PTPRC: variants seen among roughly 807,000 people sequenced by gnomAD.
The protein encoded by PTPRC is receptor-type tyrosine-protein phosphatase C.
Under a neutral mutation model 155.9 loss-of-function variants are expected in PTPRC, and 44 were observed. The ratio of observed to expected loss-of-function variants is 0.28; its 90% CI spans 0.22 to 0.36. The LOEUF (loss-of-function observed/expected upper bound fraction) is 0.36. Among genes scored for constraint, PTPRC ranks in the 10% least tolerant of loss-of-function variants. PTPRC has a pLI of 1.00. For synonymous variants in PTPRC, 525 were observed against 533.1 expected (o/e 0.98, Z 0.21); for missense variants, 1,401 against 1,564.6 (o/e 0.90, Z 1.76).
chr1:198,659,513 C>A (rs1487464201), intron 2 of PTPRC, among the ~76,000 whole-genome samples: 1 of 151,690 alleles, frequency 6.6e-6, no homozygotes, highest in Non-Finnish European at 1.5e-5. Flanking sequence ...GTTTAATGAC[C>A]AAACCAACAT....
chr1:198,660,026 T>A (rs12410533), intron 2 of PTPRC, among the ~76,000 whole-genome samples: 10,508 of 112,992 alleles, frequency 0.093, 701 homozygotes, highest in African/African-American at 0.17. Context: ...TCCATATATA[T>A]GTCCATATAT....
At chr1:198,687,444 TAGAG>T (rs1002195504) in intron 2 of PTPRC, among the ~76,000 whole-genome samples, 19 of 152,334 alleles carry the variant, frequency 1.2e-4, no homozygotes, top group South Asian at 4.1e-4. Context: ...TAAAATATGA[TAGAG>T]AATTAATAAA....
chr1:198,752,436 A>G (rs1655427273), intron 30 of PTPRC, 65 bp downstream of exon 30: 1 of 1,587,894 alleles, frequency 6.3e-7, no homozygotes, highest in Non-Finnish European at 8.6e-7. Flanking sequence ...AATGAATATA[A>G]ATTACTCTAT....
intron 15 of PTPRC, among the ~76,000 whole-genome samples, chr1:198,725,853 A>C (rs1054897659): frequency 6.6e-6 from 1 of 152,150 alleles, no homozygotes; most frequent in Non-Finnish European, 1.5e-5. Context: ...TATTCCTTTG[A>C]TTTAGGCTGT....
chr1:198,714,881 A>G (rs1346850897), intron 12 of PTPRC, among the ~76,000 whole-genome samples: 1 of 152,176 alleles, frequency 6.6e-6, no homozygotes, highest in Non-Finnish European at 1.5e-5. Flanking sequence ...TAATTTTTTC[A>G]GTGTCTCTAA....
intron 2 of PTPRC, among the ~76,000 whole-genome samples, chr1:198,640,907 A>G (rs115193795): frequency 6.6e-6 from 1 of 152,118 alleles, no homozygotes; most frequent in Non-Finnish European, 1.5e-5. Context: ...CAGAGTGTGA[A>G]ATATTTCCTT....
rs541640947 is a variant in PTPRC, at chr1:198,748,834, C to G, written c.2939-582C>G. 5.3e-5 allele frequency among the ~76,000 whole-genome samples: 8 copies of G among 151,746 alleles called. No individual in the cohort carries two copies. The South Asian group carries it at 1.7e-3, about 32-fold the overall frequency. ...GATGACCAAATAAATCAGATCAGTGCATGGTTGACCTAGTTAATTTTCATA... is the reference window on the plus strand; with the variant it reads ...GATGACCAAATAAATCAGATCAGTGGATGGTTGACCTAGTTAATTTTCATA... On this transcript the variant is annotated intron_variant, in intron 27 of 32. Coordinates refer to ENST00000442510, the MANE Select transcript of PTPRC (RefSeq NM_002838.5).
At chr1:198,709,581 A>G in intron 10 of PTPRC, 106 bp from the exon 11 acceptor site, 1 of 997,140 alleles carries the variant, frequency 1.0e-6, no homozygotes, top group Non-Finnish European at 1.4e-6. Flanking sequence ...CAGATGTTTC[A>G]ATCTGATAAA....
Position 198,735,404 on chromosome 1 carries a change from C to A in PTPRC, c.2403+152C>A, listed in dbSNP as rs1194513733. The A allele has an allele frequency of 1.2e-5, 9 of 733,474 alleles. No homozygotes were observed. In the African/African-American group the frequency reaches 1.6e-4, roughly 13 times the overall value. 45.4% of individuals were successfully genotyped at this position (733,474 alleles called of 1,614,324 possible). On this transcript the variant is annotated intron_variant, in intron 23 of 32. Transcript: ENST00000442510. ...CTGTGGTTAGAACAATGACAAAAAT[C>A]AATAGGGTCAAATTTAAGTCACTGG...
chr1:198,711,056 C>T (rs536967679), intron 11 of PTPRC, among the ~76,000 whole-genome samples: 1 of 152,062 alleles, frequency 6.6e-6, no homozygotes, highest in Admixed American at 6.6e-5. Context: ...AATCTCCTGA[C>T]CTCATGATCC....
intron 2 of PTPRC, among the ~76,000 whole-genome samples, chr1:198,640,553 G>A (rs1662520065): frequency 1.3e-5 from 2 of 151,824 alleles, no homozygotes; most frequent in African/African-American, 4.8e-5. Flanking sequence ...TATATTTGCA[G>A]CATTTGTCTT....
In PTPRC at chr1:198,639,259, A is replaced by ACTTCCAGATATGACCATGTATTTGTGG; in HGVS notation, c.-6_21dup. 1 of 1,613,124 alleles carries ACTTCCAGATATGACCATGTATTTGTGG rather than the reference A, an allele frequency of 6.2e-7. No homozygotes were observed. Among genetic ancestry groups the ACTTCCAGATATGACCATGTATTTGTGG allele is most frequent in the Non-Finnish European group, 8.5e-7 (1 of 1,179,230 alleles). ...ATGCTGTTTCTTAGGGACACGGCTG[A>ACTTCCAGATATGACCATGTATTTGTGG]CTTCCAGATATGACCATGTATTTGT... On this transcript the variant is annotated 5_prime_UTR_variant, in exon 2 of 33. The change creates a new upstream start codon in the 5' untranslated region. Transcript: ENST00000442510.
intron 2 of PTPRC, among the ~76,000 whole-genome samples, chr1:198,648,160 A>G (rs1003556437): frequency 6.6e-6 from 1 of 151,810 alleles, no homozygotes; most frequent in African/African-American, 2.4e-5. Context: ...TTATTATTAG[A>G]TATTCAATAA....
rs200407298 is a variant in PTPRC, at chr1:198,718,101, C to G, written c.1458C>G (p.Ser486Arg). 110 of 1,611,150 alleles carry G rather than the reference C, an allele frequency of 6.8e-5. No individual in the cohort carries two copies. Among genetic ancestry groups the G allele is most frequent in the Non-Finnish European group, 8.2e-5 (97 of 1,177,426 alleles). The change falls in exon 14 of 33, where the codon AGC (serine) becomes AGG (arginine). Residue 486 changes from serine (S) to arginine (R), a missense_variant. Ser to Arg is a moderately radical substitution (Grantham distance 110). This residue lies in a region of PTPRC where 867 missense variants were observed against 970.4 expected (regional missense o/e 0.89). Transcript: ENST00000442510. ...CTTTCTTCATTTTGATAGCTCCAAG[C>G]CAGGTCTGGAACATGACTGTCTCCA... ...CHFTTKSAPP[S>R]QVWNMTVSMT...
chr1:198,658,096 A>T (rs565761011), intron 2 of PTPRC, among the ~76,000 whole-genome samples: 1 of 152,178 alleles, frequency 6.6e-6, no homozygotes, highest in South Asian at 2.1e-4. Flanking sequence ...TCATTGGAAT[A>T]CCCTTCCTTA....
intron 2 of PTPRC, among the ~76,000 whole-genome samples, chr1:198,671,954 T>C (rs574907010): frequency 3.3e-5 from 5 of 152,352 alleles, no homozygotes; most frequent in African/African-American, 1.2e-4. Context: ...CATCCATATC[T>C]CTGCATTTTT....
At chr1:198,642,511 A>C (rs1662655487) in intron 2 of PTPRC, among the ~76,000 whole-genome samples, 1 of 151,690 alleles carries the variant, frequency 6.6e-6, no homozygotes, top group African/African-American at 2.4e-5. Flanking sequence ...GATCACTCTG[A>C]TTCTCCATCT....
At chr1:198,657,968 A>G (rs1663693748) in intron 2 of PTPRC, 1 of 152,176 alleles carries the variant, frequency 6.6e-6, no homozygotes, top group Non-Finnish European at 1.5e-5. Context: ...TGTTAAACTA[A>G]ACTGTGCCCA....
At chr1:198,723,894 A>G (rs1654007084) in intron 15 of PTPRC, among the ~76,000 whole-genome samples, 1 of 152,198 alleles carries the variant, frequency 6.6e-6, no homozygotes, top group Non-Finnish European at 1.5e-5. Flanking sequence ...TATCTCTTAT[A>G]CTATTTCCAT....
Sources: gnomAD v4.1 joint callset for allele counts (sites outside exome capture counted in the v4.1 genomes callset) on GRCh38, gnomAD v4.1.1 for gene constraint, gnomAD v4.1.1 regional missense constraint, MANE v1.5 for transcripts, NCBI Gene and HGNC (gene_info 2026-07-23, HGNC 2026-07-21) for gene names.